Variants in RASA1 observed in about 807,000 individuals in gnomAD.
The protein encoded by RASA1 is RAS p21 protein activator 1, also known as ras GTPase-activating protein 1.
In RASA1, 25 loss-of-function variants were observed where a neutral mutation model predicts 132.2. That is an observed-to-expected ratio of 0.19 (90% CI 0.14 to 0.26). The LOEUF (loss-of-function observed/expected upper bound fraction) is 0.26, where lower values mean the gene tolerates loss of function less well. Ranked by LOEUF, RASA1 falls within the 10% of genes least tolerant of loss-of-function variation. The pLI, the probability that RASA1 is intolerant of heterozygous loss-of-function variation, is 1.00. For synonymous variants in RASA1, 477 were observed against 449.9 expected (o/e 1.06, Z -0.76); for missense variants, 964 against 1,299.2 (o/e 0.74, Z 3.97).
intron 14 of RASA1, 60 bp downstream of exon 14, chr5:87,374,380 G>T (rs1761165320): frequency 1.4e-6 from 2 of 1,478,232 alleles, no homozygotes; most frequent in Non-Finnish European, 9.2e-7. Context: ...ATTTCTTTCT[G>T]TTTTTTTGGT....
rs377722838 is a variant in RASA1 at position 87,374,147 on chromosome 5, ATT to A, written c.1777-4_1777-3del. 3.7e-3 allele frequency: 3,644 copies of A among 991,868 alleles called. 1 individual carries two copies. The highest frequency in any genetic ancestry group is 7.6e-3 in the South Asian group (319 of 42,152). 61.4% of individuals were successfully genotyped at this position (991,868 alleles called of 1,614,324 possible). On this transcript the variant is annotated splice_polypyrimidine_tract_variant and intron_variant, in intron 13 of 24. Coordinates refer to ENST00000274376, the MANE Select transcript of RASA1 (RefSeq NM_002890.3). ...AATCTGGGGTAATATATATATATAT[ATT>A]TTTTTTTTTTTAGGTCAGCAGCCTT...
At chr5:87,348,965 A>G (rs1250178237) in intron 7 of RASA1, among the ~76,000 whole-genome samples, 4 of 151,940 alleles carry the variant, frequency 2.6e-5, no homozygotes, top group African/African-American at 7.2e-5. Flanking sequence ...TACTGCTGCA[A>G]AATTTCTGCT....
intron 8 of RASA1, among the ~76,000 whole-genome samples, chr5:87,352,850 CTT>C (rs2112430845): frequency 6.6e-6 from 1 of 151,864 alleles, no homozygotes; most frequent in Non-Finnish European, 1.5e-5. Flanking sequence ...AAAAGGTAGA[CTT>C]TTAATCATTT....
intron 11 of RASA1, among the ~76,000 whole-genome samples, chr5:87,367,483 A>C: frequency 6.6e-6 from 1 of 152,170 alleles, no homozygotes; most frequent in East Asian, 1.9e-4. Flanking sequence ...ATGCTGAACG[A>C]ATGTTGGATG....
chr5:87,360,124 GTT>G (rs755443447), intron 9 of RASA1, among the ~76,000 whole-genome samples: 9 of 132,692 alleles, frequency 6.8e-5, no homozygotes, highest in African/African-American at 8.4e-5. Context: ...TCAAAATGCA[GTT>G]TTTTTTTTTT....
Position 87,267,918 on chromosome 5 carries a change from C to A in RASA1, c.-534C>A. Reference sequence around the variant, plus strand: ...AGCTCCAGGTAGTGAGCAGTTCAGTCGATTTCCTCGTTACCCCGCCCCCCT... The same window carrying A: ...AGCTCCAGGTAGTGAGCAGTTCAGTAGATTTCCTCGTTACCCCGCCCCCCT... On this transcript the variant is annotated 5_prime_UTR_variant, in exon 1 of 25. Coordinates refer to ENST00000274376, the MANE Select transcript of RASA1 (RefSeq NM_002890.3). 2.5e-6 allele frequency: 1 copy of A among 392,954 alleles called. No homozygotes were observed. The highest frequency in any genetic ancestry group is 1.3e-4 in the South Asian group (1 of 7,862). 24.3% of individuals were successfully genotyped at this position (392,954 alleles called of 1,614,324 possible). A position where few individuals can be genotyped will look rare whatever the true frequency, so the allele number is the denominator to read the frequency against.
At position 87,378,531 on chromosome 5, in the gene RASA1, C is replaced by A; in HGVS notation, c.2480C>A (p.Ser827Tyr). Residue 827 changes from serine (S) to tyrosine (Y), a missense_variant, in exon 18 of 25, where the codon TCT becomes TAT. Physicochemically the swap from Ser to Tyr is moderately radical, Grantham distance 144. This residue lies in a region of RASA1 where 346 missense variants were observed against 520.1 expected (regional missense o/e 0.67). Coordinates refer to ENST00000274376, the MANE Select transcript of RASA1 (RefSeq NM_002890.3). ...TTAAAGATAATGGAAAGCAAGCAGT[C>A]TTGTGAGGTAAGAATTTAATGTTTT... is the stretch of plus-strand genomic sequence containing the variant. The part of the protein sequence containing the change: ...SILKIMESKQ[S>Y]CELSPSKLEK... 1 of 1,607,836 alleles carries A rather than the reference C, an allele frequency of 6.2e-7. No homozygotes were observed. The highest frequency in any genetic ancestry group is 1.1e-5 in the South Asian group (1 of 90,942).
chr5:87,356,965 T>G (rs1759699550), intron 9 of RASA1, among the ~76,000 whole-genome samples: 1 of 152,132 alleles, frequency 6.6e-6, no homozygotes, highest in Admixed American at 6.5e-5. Flanking sequence ...CTTAGAACAG[T>G]ACCTGACATT....
chr5:87,271,208 A>G (rs968861659), intron 1 of RASA1, among the ~76,000 whole-genome samples: 1 of 152,176 alleles, frequency 6.6e-6, no homozygotes, highest in Admixed American at 6.5e-5. Flanking sequence ...ATTGCACTCC[A>G]GCCTGGGCAA....
chr5:87,270,691 C>A (rs1753793177), intron 1 of RASA1, among the ~76,000 whole-genome samples: 3 of 90,372 alleles, frequency 3.3e-5, no homozygotes, highest in East Asian at 3.6e-4. Context: ...TTTGGATAAG[C>A]TTCTTTGGAG....
rs1336115492 is a variant in RASA1, at chr5:87,376,908, G to A, written c.2212G>A (p.Val738Ile). ...TATACTGCAAAAGGAACTTCATGTA[G>A]TCTATGCTTTATCACATGTATGTGG... ...ELILQKELHV[V>I]YALSHVCGQD... Residue 738 changes from valine to isoleucine, a missense_variant, in exon 17 of 25, where the codon GTC becomes ATC. Val to Ile is a conservative substitution (Grantham distance 29). Coordinates refer to ENST00000274376, the MANE Select transcript of RASA1 (RefSeq NM_002890.3). The A allele has an allele frequency of 1.9e-6, 3 of 1,609,710 alleles. No individual in the cohort carries two copies. The highest frequency in any genetic ancestry group is 1.7e-6 in the Non-Finnish European group (2 of 1,176,130).
chr5:87,386,284 C>A (rs1310784533), intron 22 of RASA1, among the ~76,000 whole-genome samples: 1 of 151,988 alleles, frequency 6.6e-6, no homozygotes, highest in Non-Finnish European at 1.5e-5. Flanking sequence ...CTATTTATAG[C>A]ATGGTTTTAA....
intron 1 of RASA1, among the ~76,000 whole-genome samples, chr5:87,319,545 C>T (rs376447249): frequency 3.3e-5 from 5 of 152,238 alleles, no homozygotes; most frequent in Non-Finnish European, 4.4e-5. Context: ...AGCCATGGCC[C>T]GAGTTGTACA....
chr5:87,316,613 A>G (rs1386031837), intron 1 of RASA1, among the ~76,000 whole-genome samples: 4 of 152,148 alleles, frequency 2.6e-5, no homozygotes, highest in Admixed American at 1.3e-4. Flanking sequence ...GATTGAGAAC[A>G]TGGAGAGTGG....
rs367999929 is a variant in RASA1 at position 87,376,598 on chromosome 5, G to A, written c.2184+33G>A. ...ATTATTTATCAGTCTTGTTTTTGTT[G>A]GAATTAACAGAAACATTTAACATTT... On this transcript the variant is annotated intron_variant, in intron 16 of 24. Transcript: ENST00000274376. 6.9e-6 allele frequency: 11 copies of A among 1,591,228 alleles called. No individual in the cohort carries two copies. The African/African-American group carries it at 1.5e-4, about 21-fold the overall frequency.
rs201135212 is a variant in RASA1, at chr5:87,372,109, T to C, written c.1699-9T>C. On this transcript the variant is annotated splice_polypyrimidine_tract_variant and intron_variant, in intron 12 of 24. Transcript: ENST00000274376. ...GTATATTTCTTTGAAGTGCTGTTTT[T>C]CTTTGCAGGATTGGATGAAAGGTCT... 2 of 1,612,604 alleles carry C rather than the reference T, an allele frequency of 1.2e-6. No individual in the cohort carries two copies. Among genetic ancestry groups the C allele is most frequent in the African/African-American group, 2.7e-5 (2 of 74,950 alleles).
intron 1 of RASA1, among the ~76,000 whole-genome samples, chr5:87,309,727 C>T (rs1201737310): frequency 6.6e-6 from 1 of 151,796 alleles, no homozygotes; most frequent in Non-Finnish European, 1.5e-5. Context: ...TTTGTTTTGG[C>T]TTTTAAGCAA....
intron 1 of RASA1, among the ~76,000 whole-genome samples, chr5:87,300,633 A>G (rs1052581198): frequency 5.9e-5 from 9 of 152,238 alleles, no homozygotes; most frequent in Admixed American, 2.6e-4. Flanking sequence ...ATCTTATGCA[A>G]TTATTTATAA....
At chr5:87,327,426 A>G (rs1168911640) in intron 1 of RASA1, among the ~76,000 whole-genome samples, 1 of 152,202 alleles carries the variant, frequency 6.6e-6, no homozygotes, top group Admixed American at 6.5e-5. Flanking sequence ...AATTTCCCTA[A>G]TTTACAAGTG....
Sources: allele counts gnomAD v4.1 joint callset (sites outside exome capture counted in the v4.1 genomes callset), GRCh38; gene constraint gnomAD v4.1.1; regional missense constraint gnomAD v4.1.1; transcripts MANE v1.5; gene names NCBI Gene and HGNC (gene_info 2026-07-23, HGNC 2026-07-21).